The following PRDM10 variants were observed in gnomAD, a reference collection of about 807,000 sequenced individuals.
PRDM10 encodes the protein PR domain zinc finger protein 10.
PRDM10 carries 65 observed loss-of-function variants against 133.1 expected under a neutral mutation model. The ratio of observed to expected loss-of-function variants is 0.49; its 90% CI spans 0.40 to 0.60. The LOEUF (loss-of-function observed/expected upper bound fraction) is 0.60. Ranked by LOEUF, PRDM10 falls within the 20% of genes least tolerant of loss-of-function variation. The probability of loss-of-function intolerance (pLI) is 0.00; values close to 1 mark genes in which losing one functional copy is unlikely to be tolerated. For missense variants in PRDM10, 1,137 were observed against 1,507.1 expected, an observed-to-expected ratio of 0.75 and a Z score of 4.07; for synonymous variants, 582 against 580.4, an observed-to-expected ratio of 1.00 and a Z score of -0.04.
intron 4 of PRDM10, among the ~76,000 whole-genome samples, chr11:129,952,832 A>G (rs2135903535): frequency 1.3e-5 from 2 of 152,178 alleles, no homozygotes; most frequent in Middle Eastern, 3.4e-3. Flanking sequence ...TTCATGGCCA[A>G]TCTTATTTCA....
In PRDM10 at chr11:129,988,836, A is replaced by G. The variant is rs374343690; in HGVS notation, c.-119+13886T>C. Among the ~76,000 whole-genome samples the G allele has an allele frequency of 2.0e-4, 30 of 151,958 alleles. 1 individual carries two copies. The highest frequency in any genetic ancestry group is 5.8e-4 in the East Asian group (3 of 5,150). ...AACAGAGACGGGGTTTCACCGTGTT[A>G]GCCAGGATGGTCTCGATCTCCTGAC... is the stretch of plus-strand genomic sequence containing the variant. On this transcript the variant is annotated intron_variant, in intron 1 of 20. Transcript: ENST00000360871.
In PRDM10 at chr11:129,902,341, C is replaced by T. The variant is rs1413982550; in HGVS notation, c.3443G>A (p.Ser1148Asn). The change falls in exon 21 of 21, where the codon AGC (serine) becomes AAC (asparagine). Residue 1148 changes from serine (S) to asparagine (N), a missense_variant. This residue lies in a region of PRDM10 where 243 missense variants were observed against 259.2 expected (regional missense o/e 0.94). Coordinates refer to ENST00000360871, the MANE Select transcript of PRDM10 (RefSeq NM_199437.2). ...TGGTTTGGTGATATGCACTTCGCTG[C>T]TTCCGTTCCCGTTGGTGGTGGTGGT... is the stretch of plus-strand genomic sequence containing the variant. ...IITTTTNGNG[S>N]SEVHITKP 1.1e-5 allele frequency: 18 copies of T among 1,614,048 alleles called. No homozygotes were observed. The highest frequency in any genetic ancestry group is 1.5e-5 in the Non-Finnish European group (18 of 1,180,022).
chr11:129,979,360 G>C (rs1182377591), intron 1 of PRDM10, among the ~76,000 whole-genome samples: 1 of 151,788 alleles, frequency 6.6e-6, no homozygotes, highest in African/African-American at 2.4e-5. Flanking sequence ...CCTCTCCCCA[G>C]GATACCCACC....
chr11:129,983,351 G>A (rs1240526476), intron 1 of PRDM10, among the ~76,000 whole-genome samples: 5 of 149,092 alleles, frequency 3.4e-5, no homozygotes, highest in African/African-American at 1.2e-4. Flanking sequence ...CTGGAGTGCA[G>A]TGGCGCGATC....
intron 2 of PRDM10, among the ~76,000 whole-genome samples, chr11:129,959,244 G>A (rs1310383050): frequency 6.6e-6 from 1 of 152,166 alleles, no homozygotes; most frequent in Admixed American, 6.5e-5. Flanking sequence ...ACCTCTACAC[G>A]AAATGATTAG....
In PRDM10 at chr11:129,901,800, T is replaced by C. The variant is rs1949850901; in HGVS notation, c.*513A>G. ...TCACTGTCAAACTTTTGTTTCATCA[T>C]TTTAATTTTGTTATTCAGCAGGCTC... On this transcript the variant is annotated 3_prime_UTR_variant, in exon 21 of 21. Transcript: ENST00000360871. The C allele has an allele frequency of 6.6e-6, 1 of 152,576 alleles. No homozygotes were observed. Among genetic ancestry groups the C allele is most frequent in the Non-Finnish European group, 1.5e-5 (1 of 68,110 alleles). The allele number at this position is 152,576 out of a possible 1,614,324, so 9.5% of individuals were successfully genotyped here. A position where few individuals can be genotyped will look rare whatever the true frequency, so the allele number is the denominator to read the frequency against.
intron 1 of PRDM10, among the ~76,000 whole-genome samples, chr11:129,989,034 G>A (rs1437251581): frequency 2.0e-5 from 3 of 152,188 alleles, no homozygotes; most frequent in Non-Finnish European, 4.4e-5. Flanking sequence ...TAGTAAGGAT[G>A]GGGCTATAAA....
intron 1 of PRDM10, among the ~76,000 whole-genome samples, chr11:129,980,996 C>A (rs1311456000): frequency 1.3e-5 from 2 of 151,450 alleles, no homozygotes; most frequent in East Asian, 1.9e-4. Flanking sequence ...CTCAGCCTCC[C>A]GAGTAGCTGG....
At chr11:129,938,028 C>G (rs1289925892) in intron 7 of PRDM10, among the ~76,000 whole-genome samples, 2 of 152,162 alleles carry the variant, frequency 1.3e-5, no homozygotes, top group African/African-American at 2.4e-5. Context: ...TGGTTGCCAC[C>G]AAACAGCCCT....
At chr11:129,920,704 C>T (rs912970215) in intron 13 of PRDM10, among the ~76,000 whole-genome samples, 2 of 151,874 alleles carry the variant, frequency 1.3e-5, no homozygotes, top group Admixed American at 6.6e-5. Flanking sequence ...TCACCTCTCC[C>T]TTTCCCTAGC....
intron 13 of PRDM10, among the ~76,000 whole-genome samples, chr11:129,920,039 A>G (rs1471039803): frequency 6.6e-6 from 1 of 152,218 alleles, no homozygotes; most frequent in African/African-American, 2.4e-5. Context: ...TAGTGTGGAT[A>G]CAATGGCAAA....
chr11:129,925,325 C>A, intron 11 of PRDM10, 96 bp from the exon 12 acceptor site: 1 of 1,148,300 alleles, frequency 8.7e-7, no homozygotes, highest in East Asian at 2.6e-5. Context: ...TCTCTGCAAT[C>A]ACAGACTTCC....
intron 2 of PRDM10, among the ~76,000 whole-genome samples, chr11:129,959,925 C>CTTT (rs112833018): frequency 7.2e-6 from 1 of 138,320 alleles, no homozygotes; most frequent in African/African-American, 2.6e-5. Context: ...GCTAATTTTT[C>CTTT]TTTTTTTTTT....
chr11:129,947,338 A>G lies in PRDM10; in HGVS notation c.327T>C (p.Pro109=), dbSNP rs1951452922. ...CGGACCCATCTACACTCTCGATGGA[A>G]GGCAGCACCTGGTTATGAACTGGCA... is the stretch of plus-strand genomic sequence containing the variant. ...ASLPVHNQVL[P]SIESVDGSDP... is the part of the protein sequence containing the mutation. The change falls in exon 5 of 21, where the codon CCT becomes CCC. Residue 109 remains proline, a synonymous_variant. Coordinates refer to ENST00000360871, the MANE Select transcript of PRDM10 (RefSeq NM_199437.2). The surrounding 1 kb of genome is among the most constrained non-coding windows in gnomAD (Gnocchi z 4.6). 8 of 1,614,052 alleles carry G rather than the reference A, an allele frequency of 5.0e-6. No individual in the cohort carries two copies. Among genetic ancestry groups the G allele is most frequent in the Non-Finnish European group, 6.8e-6 (8 of 1,180,034 alleles).
intron 1 of PRDM10, among the ~76,000 whole-genome samples, chr11:129,993,056 T>C (rs1938837374): frequency 6.6e-6 from 1 of 152,234 alleles, no homozygotes; most frequent in African/African-American, 2.4e-5. Flanking sequence ...TAATACTGTT[T>C]TCCAAGGTAG....
At position 129,923,694 on chromosome 11, in the gene PRDM10, G is replaced by GAGAGAA. The variant is rs1491289468; in HGVS notation, c.1879-292_1879-291insTTCTCT. On this transcript the variant is annotated intron_variant, in intron 12 of 20. Coordinates refer to ENST00000360871, the MANE Select transcript of PRDM10 (RefSeq NM_199437.2). This position sits in a 1 kb window ranked among gnomAD's most constrained non-coding sequence, Gnocchi z 4.4. ...AGAGAGAGAGAGAGAGAGAGAGAGAGTGCTTGCTTGGTCAAAGCCCTGATC... is the reference window on the plus strand; with the variant it reads ...AGAGAGAGAGAGAGAGAGAGAGAGAGAGAGAATGCTTGCTTGGTCAAAGCCCTGATC... Among the ~76,000 whole-genome samples, 1 of 132,820 alleles carries GAGAGAA rather than the reference G, an allele frequency of 7.5e-6. No homozygotes were observed. The highest frequency in any genetic ancestry group is 3.1e-5 in the African/African-American group (1 of 32,540). The allele number at this position is 132,820 out of a possible 152,430, so 87.1% of individuals were successfully genotyped here.
At chr11:129,984,159 T>TA (rs1182753982) in intron 1 of PRDM10, among the ~76,000 whole-genome samples, 1 of 152,112 alleles carries the variant, frequency 6.6e-6, no homozygotes, top group African/African-American at 2.4e-5. Context: ...CAGGCAGGTA[T>TA]TCCCTCAGCT....
rs1949839344 is a variant in PRDM10 at position 129,901,369 on chromosome 11, T to C, written c.*944A>G. The C allele has an allele frequency of 6.6e-6, 1 of 152,644 alleles. No individual in the cohort carries two copies. The highest frequency in any genetic ancestry group is 1.5e-5 in the Non-Finnish European group (1 of 68,028). 9.5% of individuals were successfully genotyped at this position (152,644 alleles called of 1,614,324 possible). A position where few individuals can be genotyped will look rare whatever the true frequency, so the allele number is the denominator to read the frequency against. On this transcript the variant is annotated 3_prime_UTR_variant, in exon 21 of 21. Coordinates refer to ENST00000360871, the MANE Select transcript of PRDM10 (RefSeq NM_199437.2). ...ACTGAACATGTCAGCAAGAGTTAAA[T>C]GTACACTTGGTAAGAACAAGGAATA...
At chr11:129,938,947 C>T (rs1408511665) in intron 7 of PRDM10, among the ~76,000 whole-genome samples, 1 of 152,204 alleles carries the variant, frequency 6.6e-6, no homozygotes, top group Non-Finnish European at 1.5e-5. Context: ...AAGTCTTCAG[C>T]CCTGCTGTTT....
Sources: gnomAD v4.1 joint callset for allele counts (sites outside exome capture counted in the v4.1 genomes callset) on GRCh38, gnomAD v4.1.1 for gene constraint, gnomAD v4.1.1 regional missense constraint, Gnocchi (gnomAD v3.1) non-coding constraint, MANE v1.5 for transcripts, NCBI Gene and HGNC (gene_info 2026-07-23, HGNC 2026-07-21) for gene names.